The following ANKRD36 variants were observed in gnomAD, a reference collection of about 807,000 sequenced individuals.
The protein encoded by ANKRD36 is ankyrin repeat domain-containing protein 36A.
A neutral mutation model predicts 278.1 loss-of-function variants in ANKRD36; 179 were observed. The ratio of observed to expected loss-of-function variants is 0.64; its 90% CI spans 0.57 to 0.73. The LOEUF (loss-of-function observed/expected upper bound fraction) is 0.73, where lower values mean the gene tolerates loss of function less well. Among genes scored for constraint, ANKRD36 ranks in the 30% least tolerant of loss-of-function variants. The pLI is 0.00. For missense variants in ANKRD36, 1,159 were observed against 1,956.7 expected (o/e 0.59, Z 7.69); for synonymous variants, 320 against 641.1 (o/e 0.50, Z 7.57).
At chr2:97,130,865 A>G (rs1046801192) in intron 6 of ANKRD36, among the ~76,000 whole-genome samples, 3 of 152,076 alleles carry the variant, frequency 2.0e-5, no homozygotes, top group African/African-American at 7.2e-5. Context: ...TTTTAAGAGA[A>G]TTAGCTACCT....
At chr2:97,230,690 A>G (rs2071663451) in intron 67 of ANKRD36, among the ~76,000 whole-genome samples, 1 of 152,090 alleles carries the variant, frequency 6.6e-6, no homozygotes, top group East Asian at 2.0e-4. Context: ...GAGGAACTGC[A>G]TTCCTTTGGA....
chr2:97,134,942 G>A (rs945506239), intron 6 of ANKRD36, among the ~76,000 whole-genome samples: 1 of 151,962 alleles, frequency 6.6e-6, no homozygotes, highest in Non-Finnish European at 1.5e-5. Flanking sequence ...CTGAATTTAA[G>A]GATTGTTTGT....
At chr2:97,228,751 C>T (rs1449856498) in intron 67 of ANKRD36, among the ~76,000 whole-genome samples, 3 of 151,480 alleles carry the variant, frequency 2.0e-5, no homozygotes, top group Non-Finnish European at 2.9e-5. Flanking sequence ...TTGGATCTTT[C>T]CTGCTTTCTC....
intron 50 of ANKRD36, among the ~76,000 whole-genome samples, chr2:97,204,597 G>C (rs2062333555): frequency 6.6e-6 from 1 of 151,312 alleles, no homozygotes; most frequent in African/African-American, 2.4e-5. Flanking sequence ...AGGAAGTATA[G>C]AATTAACACA....
rs1251088083 is a variant in ANKRD36 at position 97,194,830 on chromosome 2, T to G, written c.2479-15T>G. 1.3e-6 allele frequency: 2 copies of G among 1,597,366 alleles called. No individual in the cohort carries two copies. The highest frequency in any genetic ancestry group is 4.5e-5 in the East Asian group (2 of 44,044). On this transcript the variant is annotated splice_polypyrimidine_tract_variant and intron_variant, in intron 39 of 75. Coordinates refer to ENST00000420699, the MANE Select transcript of ANKRD36 (RefSeq NM_001354587.1). Reference sequence around the variant, plus strand: ...AACATACCTTATTTATTATTTTGTTTCAAATTCCACTCAGGCTACAAGTGA... The same window carrying G: ...AACATACCTTATTTATTATTTTGTTGCAAATTCCACTCAGGCTACAAGTGA...
intron 46 of ANKRD36, 55 bp downstream of exon 46, chr2:97,200,580 TC>T: frequency 6.5e-7 from 1 of 1,536,182 alleles, no homozygotes; most frequent in East Asian, 2.5e-5. Context: ...GAAGTTCTCT[TC>T]CCCGAATAAA....
chr2:97,177,049 C>G (rs1027593392), intron 22 of ANKRD36, among the ~76,000 whole-genome samples: 2 of 151,382 alleles, frequency 1.3e-5, no homozygotes, highest in Non-Finnish European at 2.9e-5. Flanking sequence ...AAACAGAGAG[C>G]CAAATCATGA....
intron 6 of ANKRD36, among the ~76,000 whole-genome samples, chr2:97,130,251 G>A (rs1179020046): frequency 6.6e-6 from 1 of 151,858 alleles, no homozygotes; most frequent in Non-Finnish European, 1.5e-5. Context: ...ATACACCATG[G>A]GATACTATGC....
chr2:97,210,816 A>T (rs1184631691), intron 56 of ANKRD36, among the ~76,000 whole-genome samples: 1 of 151,878 alleles, frequency 6.6e-6, no homozygotes, highest in Non-Finnish European at 1.5e-5. Flanking sequence ...TAGCAGTTTT[A>T]CTTTGAAGAA....
At chr2:97,228,730 G>T (rs1218243109) in intron 67 of ANKRD36, among the ~76,000 whole-genome samples, 1 of 151,320 alleles carries the variant, frequency 6.6e-6, no homozygotes, top group Non-Finnish European at 1.5e-5. Context: ...TGTGATGTTA[G>T]GGTGTCAATT....
chr2:97,203,244 G>A (rs1170298887), intron 48 of ANKRD36, among the ~76,000 whole-genome samples: 1 of 151,780 alleles, frequency 6.6e-6, no homozygotes, highest in South Asian at 2.1e-4. Flanking sequence ...AATTATGCTG[G>A]ATTCTAATTA....
chr2:97,138,534 T>G (rs2042094165), intron 6 of ANKRD36, among the ~76,000 whole-genome samples: 2 of 152,022 alleles, frequency 1.3e-5, no homozygotes, highest in African/African-American at 4.8e-5. Context: ...GGTTCAGTGC[T>G]ATACCCATCA....
At chr2:97,181,660 A>T (rs778072421) in intron 25 of ANKRD36, 34 bp downstream of exon 25, 4 of 1,604,298 alleles carry the variant, frequency 2.5e-6, no homozygotes, top group Non-Finnish European at 3.4e-6. Context: ...TTGAACTATT[A>T]ACTGTATAGT....
chr2:97,227,848 G>A lies in ANKRD36; in HGVS notation c.3951+2969G>A, dbSNP rs1216749647. Among the ~76,000 whole-genome samples the A allele has an allele frequency of 1.8e-4, 27 of 152,116 alleles. 1 individual carries two copies. Among genetic ancestry groups the A allele is most frequent in the South Asian group, 4.2e-4 (2 of 4,792 alleles). On this transcript the variant is annotated intron_variant, in intron 67 of 75. Transcript: ENST00000420699. ...TTATTGAGAGTTTTTAGCATGAAGCGTTGTTGAATTTTGTCAAAGGCCTTT... is the reference window on the plus strand; with the variant it reads ...TTATTGAGAGTTTTTAGCATGAAGCATTGTTGAATTTTGTCAAAGGCCTTT...
chr2:97,121,824 T>G (rs2036958412), intron 3 of ANKRD36, among the ~76,000 whole-genome samples: 1 of 151,430 alleles, frequency 6.6e-6, no homozygotes, highest in Non-Finnish European at 1.5e-5. Context: ...ACAAATAGAT[T>G]TTTAAAGGAG....
chr2:97,237,398 CA>C (rs1316259707), intron 68 of ANKRD36, among the ~76,000 whole-genome samples: 1 of 151,430 alleles, frequency 6.6e-6, no homozygotes, highest in South Asian at 2.1e-4. Flanking sequence ...TGGATTTGGA[CA>C]AATGTACAAT....
At chr2:97,199,744 C>T (rs1269324559) in intron 44 of ANKRD36, among the ~76,000 whole-genome samples, 9 of 152,004 alleles carry the variant, frequency 5.9e-5, no homozygotes, top group Non-Finnish European at 1.2e-4. Context: ...AATTATTACA[C>T]TACATGGGTG....
At chr2:97,132,739 T>A (rs1031424356) in intron 6 of ANKRD36, among the ~76,000 whole-genome samples, 3 of 151,980 alleles carry the variant, frequency 2.0e-5, no homozygotes, top group Non-Finnish European at 2.9e-5. Flanking sequence ...AAAGAATACA[T>A]AGTAAAATTG....
At chr2:97,231,679 G>A (rs2072166947) in intron 67 of ANKRD36, among the ~76,000 whole-genome samples, 1 of 152,086 alleles carries the variant, frequency 6.6e-6, no homozygotes, top group Admixed American at 6.5e-5. Flanking sequence ...TTAGTGAGAT[G>A]AACCTGGTAC....
Sources: allele counts gnomAD v4.1 joint callset (sites outside exome capture counted in the v4.1 genomes callset), GRCh38; gene constraint gnomAD v4.1.1; transcripts MANE v1.5; gene names NCBI Gene and HGNC (gene_info 2026-07-23, HGNC 2026-07-21).